PLCG2: variants seen among roughly 807,000 people sequenced by gnomAD.
PLCG2 encodes the protein phospholipase C gamma 2.
PLCG2 carries 69 observed loss-of-function variants against 175.6 expected under a neutral mutation model. The ratio of observed to expected loss-of-function variants is 0.39; its 90% CI spans 0.32 to 0.48. The LOEUF (loss-of-function observed/expected upper bound fraction) is 0.48, where lower values mean the gene tolerates loss of function less well. PLCG2 is among the 20% of genes least tolerant of loss of function. The probability of loss-of-function intolerance (pLI) is 0.91; values close to 1 mark genes in which losing one functional copy is unlikely to be tolerated. For synonymous variants in PLCG2, 827 were observed against 624.0 expected (o/e 1.33, Z -4.85); for missense variants, 1,798 against 1,650.9 (o/e 1.09, Z -1.54).
chr16:81,903,932 TC>T (rs1909256745), intron 14 of PLCG2, among the ~76,000 whole-genome samples: 1 of 152,202 alleles, frequency 6.6e-6, no homozygotes, highest in Non-Finnish European at 1.5e-5. Context: ...GGCCACACGG[TC>T]ACTTTGTACC....
At chr16:81,932,672 C>T (rs1444079572) in intron 25 of PLCG2, among the ~76,000 whole-genome samples, 1 of 152,230 alleles carries the variant, frequency 6.6e-6, no homozygotes, top group Non-Finnish European at 1.5e-5. Context: ...GGATCCTTGA[C>T]TCACTCAACT....
At chr16:81,952,581 G>C (rs113426730) in intron 31 of PLCG2, among the ~76,000 whole-genome samples, 4 of 152,144 alleles carry the variant, frequency 2.6e-5, no homozygotes, top group Admixed American at 1.3e-4. Flanking sequence ...ACCAGGGAGC[G>C]CTCCCAATGG....
At chr16:81,823,057 T>C (rs1904874891) in intron 2 of PLCG2, among the ~76,000 whole-genome samples, 1 of 152,246 alleles carries the variant, frequency 6.6e-6, no homozygotes, top group South Asian at 2.1e-4. Context: ...GAGTTTGCAG[T>C]AATTGGTGCA....
At chr16:81,862,013 A>G (rs1907006141) in intron 5 of PLCG2, among the ~76,000 whole-genome samples, 2 of 152,188 alleles carry the variant, frequency 1.3e-5, no homozygotes, top group African/African-American at 2.4e-5. Context: ...GCTCTCTGTC[A>G]ACATGTGGAA....
intron 2 of PLCG2, among the ~76,000 whole-genome samples, chr16:81,797,038 C>T (rs531361281): frequency 1.3e-5 from 2 of 152,236 alleles, no homozygotes; most frequent in Non-Finnish European, 2.9e-5. Flanking sequence ...GCGTTGCTTT[C>T]TTCCACGTGT....
chr16:81,919,938 G>T (rs925289697), intron 20 of PLCG2, among the ~76,000 whole-genome samples: 4 of 152,178 alleles, frequency 2.6e-5, no homozygotes, highest in African/African-American at 9.7e-5. Context: ...TGGATAAGAG[G>T]ATACAGAGTG....
At chr16:81,846,316 A>G (rs995928687) in intron 2 of PLCG2, among the ~76,000 whole-genome samples, 3 of 152,134 alleles carry the variant, frequency 2.0e-5, no homozygotes, top group Admixed American at 2.0e-4. Flanking sequence ...CACTCCCTAT[A>G]CAGTCAGGGT....
chr16:81,840,399 G>C (rs990918203), intron 2 of PLCG2, among the ~76,000 whole-genome samples: 3 of 152,138 alleles, frequency 2.0e-5, no homozygotes, highest in African/African-American at 7.2e-5. Context: ...GATGATTCAA[G>C]GGCATTACAT....
At chr16:81,762,499 G>A (rs1303643476) in intron 2 of PLCG2, among the ~76,000 whole-genome samples, 1 of 151,976 alleles carries the variant, frequency 6.6e-6, no homozygotes, top group African/African-American at 2.4e-5. Flanking sequence ...ATCCTGGTAG[G>A]TGGAGGTTAC....
chr16:81,786,033 A>C lies in PLCG2; in HGVS notation c.44A>C (p.Lys15Thr), dbSNP rs1050133080. Reference sequence around the variant, plus strand: ...GTAGATTCCCTTGCGGAATATGAGAAGAGCCAGATCAAGAGAGCCCTGGAG... The same window carrying C: ...GTAGATTCCCTTGCGGAATATGAGACGAGCCAGATCAAGAGAGCCCTGGAG... ...VNVDSLAEYE[K>T]SQIKRALELG... Residue 15 changes from lysine to threonine, a missense_variant, in exon 2 of 33, where the codon AAG becomes ACG. Physicochemically the swap from Lys to Thr is moderately conservative, Grantham distance 78. Coordinates refer to ENST00000564138, the MANE Select transcript of PLCG2 (RefSeq NM_002661.5). 1 of 1,614,222 alleles carries C rather than the reference A, an allele frequency of 6.2e-7. No individual in the cohort carries two copies. The highest frequency in any genetic ancestry group is 1.3e-5 in the African/African-American group (1 of 75,052).
At chr16:81,944,728 G>A (rs1045930192) in intron 30 of PLCG2, among the ~76,000 whole-genome samples, 4 of 152,058 alleles carry the variant, frequency 2.6e-5, no homozygotes, top group Admixed American at 2.0e-4. Context: ...CTCCTGCCTT[G>A]CCCTCCCCAA....
At chr16:81,765,935 G>A (rs553979956) in intron 2 of PLCG2, among the ~76,000 whole-genome samples, 13 of 152,212 alleles carry the variant, frequency 8.5e-5, no homozygotes, top group Non-Finnish European at 1.9e-4. Context: ...CTCTATTGAC[G>A]GGGGACCCAG....
chr16:81,800,852 G>A (rs1567470784), intron 2 of PLCG2, among the ~76,000 whole-genome samples: 1 of 152,100 alleles, frequency 6.6e-6, no homozygotes, highest in African/African-American at 2.4e-5. Flanking sequence ...GATTATCTGG[G>A]TGGATATGAT....
chr16:81,824,051 G>T (rs11648561), intron 2 of PLCG2, among the ~76,000 whole-genome samples: 13,898 of 72,418 alleles, frequency 0.19, 1,195 homozygotes, highest in Non-Finnish European at 0.22. Context: ...TTCCTTTCCT[G>T]TCCTGTCCTG....
chr16:81,815,983 A>G (rs142418180), intron 2 of PLCG2, among the ~76,000 whole-genome samples: 3,267 of 150,860 alleles, frequency 0.022, 67 homozygotes, highest in Non-Finnish European at 0.033. Flanking sequence ...AATTGCTTGA[A>G]CCCGGGAGGT....
At chr16:81,932,936 G>A (rs764057037) in intron 25 of PLCG2, among the ~76,000 whole-genome samples, 6 of 152,234 alleles carry the variant, frequency 3.9e-5, no homozygotes, top group Non-Finnish European at 7.3e-5. Context: ...TGATGCCACA[G>A]TACAGCTCTG....
At chr16:81,812,863 G>A (rs1904377666) in intron 2 of PLCG2, among the ~76,000 whole-genome samples, 1 of 152,112 alleles carries the variant, frequency 6.6e-6, no homozygotes, top group Admixed American at 6.5e-5. Flanking sequence ...AAGGTGTAAG[G>A]AAGGGGTCCA....
chr16:81,749,089 C>G (rs1909757776), intron 1 of PLCG2, among the ~76,000 whole-genome samples: 1 of 152,084 alleles, frequency 6.6e-6, no homozygotes, highest in African/African-American at 2.4e-5. Context: ...AAGGGGGCCC[C>G]TCAGTCAGGA....
chr16:81,816,116 A>G (rs1597334611), intron 2 of PLCG2, among the ~76,000 whole-genome samples: 2 of 151,946 alleles, frequency 1.3e-5, no homozygotes, highest in East Asian at 3.9e-4. Context: ...TATGCCGGTA[A>G]TCCCAGCACT....
Sources: gnomAD v4.1 joint callset for allele counts (sites outside exome capture counted in the v4.1 genomes callset) on GRCh38, gnomAD v4.1.1 for gene constraint, MANE v1.5 for transcripts, NCBI Gene and HGNC (gene_info 2026-07-23, HGNC 2026-07-21) for gene names.